Variants in UVRAG observed in about 807,000 individuals in gnomAD.
UVRAG encodes UV radiation resistance associated.
UVRAG carries 19 observed loss-of-function variants against 78.0 expected under a neutral mutation model. The observed-to-expected ratio is 0.24, with a 90% CI of 0.17 to 0.36. The LOEUF is 0.36. Ranked by LOEUF, UVRAG falls within the 10% of genes least tolerant of loss-of-function variation. The pLI, the probability that UVRAG is intolerant of heterozygous loss-of-function variation, is 1.00. For synonymous variants in UVRAG, 323 were observed against 324.6 expected (o/e 1.00, Z 0.05); for missense variants, 740 against 853.8 (o/e 0.87, Z 1.66).
intron 2 of UVRAG, among the ~76,000 whole-genome samples, chr11:75,854,680 A>C (rs1180325809): frequency 6.6e-6 from 1 of 152,108 alleles, no homozygotes; most frequent in African/African-American, 2.4e-5. Context: ...GTCTCCCAAA[A>C]TGCTGGGATT....
intron 7 of UVRAG, among the ~76,000 whole-genome samples, chr11:75,971,580 T>C (rs1949121858): frequency 6.6e-6 from 1 of 152,228 alleles, no homozygotes; most frequent in African/African-American, 2.4e-5. Context: ...TGCAATGCCC[T>C]AATGACTTAC....
At chr11:76,022,824 T>C (rs1950269716) in intron 12 of UVRAG, among the ~76,000 whole-genome samples, 1 of 152,202 alleles carries the variant, frequency 6.6e-6, no homozygotes, top group South Asian at 2.1e-4. Context: ...TGTCTTATGC[T>C]TTTTTTGTGT....
intron 14 of UVRAG, among the ~76,000 whole-genome samples, chr11:76,136,140 C>A (rs116421068): frequency 1.3e-5 from 2 of 152,120 alleles, no homozygotes; most frequent in South Asian, 4.1e-4. Context: ...TTTTCAATTC[C>A]TCCCTTTCTC....
chr11:75,880,486 T>G (rs1946913604), intron 4 of UVRAG, among the ~76,000 whole-genome samples: 1 of 152,216 alleles, frequency 6.6e-6, no homozygotes, highest in Admixed American at 6.5e-5. Flanking sequence ...TGACACCTGC[T>G]TGGATTATTT....
At chr11:75,859,024 G>T (rs1946356436) in intron 2 of UVRAG, among the ~76,000 whole-genome samples, 1 of 152,190 alleles carries the variant, frequency 6.6e-6, no homozygotes, top group Non-Finnish European at 1.5e-5. Flanking sequence ...GCTACATAGA[G>T]AAATATTTAT....
chr11:75,885,074 G>A (rs913904660), intron 4 of UVRAG, among the ~76,000 whole-genome samples: 1 of 151,926 alleles, frequency 6.6e-6, no homozygotes, highest in African/African-American at 2.4e-5. Context: ...TATTTTGTTA[G>A]ATTTATACCT....
At chr11:75,877,853 G>T (rs1358411194) in intron 3 of UVRAG, among the ~76,000 whole-genome samples, 1 of 143,870 alleles carries the variant, frequency 7.0e-6, no homozygotes, top group African/African-American at 2.6e-5. Flanking sequence ...GCGGCTGGCC[G>T]GGCGGGGGGC....
intron 13 of UVRAG, among the ~76,000 whole-genome samples, chr11:76,092,250 G>T (rs1201195314): frequency 1.3e-5 from 2 of 152,110 alleles, no homozygotes; most frequent in Non-Finnish European, 2.9e-5. Context: ...ATGGACATTT[G>T]GGTTGGTTCC....
chr11:76,088,346 T>C (rs1402498950), intron 13 of UVRAG, among the ~76,000 whole-genome samples: 1 of 152,128 alleles, frequency 6.6e-6, no homozygotes, highest in Non-Finnish European at 1.5e-5. Flanking sequence ...ACTTTTATAA[T>C]GAGAAAAACG....
intron 8 of UVRAG, among the ~76,000 whole-genome samples, chr11:76,002,181 G>A (rs1490014430): frequency 1.3e-5 from 2 of 152,012 alleles, no homozygotes; most frequent in African/African-American, 2.4e-5. Flanking sequence ...TAGAATTTAG[G>A]TTGAGTTTTC....
In UVRAG at chr11:76,019,265, G is replaced by C. The variant is rs1234262713; in HGVS notation, c.1226+2285G>C. 4.6e-5 allele frequency among the ~76,000 whole-genome samples: 7 copies of C among 152,132 alleles called. No homozygotes were observed. In the East Asian group the frequency reaches 1.3e-3, roughly 29 times the overall value. On this transcript the variant is annotated intron_variant, in intron 12 of 14. Coordinates refer to ENST00000356136, the MANE Select transcript of UVRAG (RefSeq NM_003369.4). ...TCTCTGTATTATCTTGAATTTCTTT[G>C]TGTTTCCACAAAACGGCTATTTTGA... is the stretch of plus-strand genomic sequence containing the variant.
chr11:75,876,952 A>T (rs984001279), intron 3 of UVRAG, among the ~76,000 whole-genome samples: 3 of 151,440 alleles, frequency 2.0e-5, no homozygotes, highest in African/African-American at 7.3e-5. Context: ...CAGATAAACA[A>T]GTGAACAAAG....
chr11:76,091,855 T>G (rs1453818771), intron 13 of UVRAG, among the ~76,000 whole-genome samples: 3 of 152,094 alleles, frequency 2.0e-5, no homozygotes, highest in African/African-American at 7.2e-5. Flanking sequence ...TTTATTATTC[T>G]TTAAGTTCTA....
chr11:75,940,147 G>A (rs1338803511), intron 6 of UVRAG, among the ~76,000 whole-genome samples: 1 of 152,182 alleles, frequency 6.6e-6, no homozygotes, highest in Non-Finnish European at 1.5e-5. Context: ...ACAGTGTGGT[G>A]TAGAGAAAGA....
At chr11:76,004,703 A>G (rs1949893451) in intron 9 of UVRAG, among the ~76,000 whole-genome samples, 1 of 151,890 alleles carries the variant, frequency 6.6e-6, no homozygotes, top group Admixed American at 6.6e-5. Context: ...GTAGCTCACT[A>G]TGGCCTCGAA....
chr11:75,922,694 T>A (rs1352267307), intron 6 of UVRAG, among the ~76,000 whole-genome samples: 1 of 152,118 alleles, frequency 6.6e-6, no homozygotes, highest in Non-Finnish European at 1.5e-5. Context: ...ATGCCTGTAA[T>A]CCCAGCACTT....
chr11:76,054,013 G>C (rs1362851905), intron 12 of UVRAG, among the ~76,000 whole-genome samples: 3 of 151,634 alleles, frequency 2.0e-5, no homozygotes, highest in Non-Finnish European at 4.4e-5. Context: ...TTTCCTTAAG[G>C]ATACAGTATA....
intron 14 of UVRAG, among the ~76,000 whole-genome samples, chr11:76,138,090 T>C (rs565138848): frequency 9.1e-4 from 138 of 152,314 alleles, no homozygotes; most frequent in Middle Eastern, 3.4e-3. Flanking sequence ...TCTCAAAGCC[T>C]TGGAGTCCAT....
chr11:76,035,635 G>A (rs896952246), intron 12 of UVRAG, among the ~76,000 whole-genome samples: 2 of 152,074 alleles, frequency 1.3e-5, no homozygotes. Flanking sequence ...GTATGTGACA[G>A]GTATTGTTCT....
Sources: gnomAD v4.1 joint callset for allele counts (sites outside exome capture counted in the v4.1 genomes callset) on GRCh38, gnomAD v4.1.1 for gene constraint, MANE v1.5 for transcripts, NCBI Gene and HGNC (gene_info 2026-07-23, HGNC 2026-07-21) for gene names.